The following AGBL1 variants were observed in gnomAD, a reference collection of about 807,000 sequenced individuals.
AGBL1 encodes cytosolic carboxypeptidase 4.
In AGBL1, 130 loss-of-function variants were observed where a neutral mutation model predicts 118.9. The ratio of observed to expected loss-of-function variants is 1.09; its 90% confidence interval spans 0.95 to 1.26. The LOEUF (loss-of-function observed/expected upper bound fraction) is 1.26, where lower values mean the gene tolerates loss of function less well. AGBL1 is among the 50% of genes most tolerant of loss of function. AGBL1 has a pLI of 0.00. For synonymous variants in AGBL1, 555 were observed against 478.9 expected (o/e 1.16, Z -2.08); for missense variants, 1,584 against 1,298.1 (o/e 1.22, Z -3.38).
intron 22 of AGBL1, among the ~76,000 whole-genome samples, chr15:86,682,713 T>C (rs1421227163): frequency 1.3e-5 from 2 of 152,072 alleles, no homozygotes; most frequent in Non-Finnish European, 2.9e-5. Flanking sequence ...AAAAAGAACA[T>C]TATTGATTAA....
chr15:86,792,534 T>A, intron 22 of AGBL1, among the ~76,000 whole-genome samples: 1 of 152,184 alleles, frequency 6.6e-6, no homozygotes, highest in South Asian at 2.1e-4. Context: ...TGGGTTCATA[T>A]TATGAAGAAA....
intron 17 of AGBL1, among the ~76,000 whole-genome samples, chr15:86,333,234 G>C (rs1462092335): frequency 6.6e-6 from 1 of 152,244 alleles, no homozygotes; most frequent in East Asian, 1.9e-4. Context: ...ACAAAGAATT[G>C]ATGAAGCCCA....
chr15:86,309,283 A>T (rs929757264), intron 17 of AGBL1, among the ~76,000 whole-genome samples: 2 of 152,228 alleles, frequency 1.3e-5, no homozygotes, highest in African/African-American at 4.8e-5. Context: ...TACCAAATTT[A>T]TTAGTTGTAG....
At chr15:86,213,842 T>C (rs11073624) in intron 5 of AGBL1, among the ~76,000 whole-genome samples, 93,796 of 151,978 alleles carry the variant, frequency 0.62, 29,207 homozygotes, top group South Asian at 0.78. Context: ...ATTGTAGAAC[T>C]ATTTCCACTA....
chr15:86,781,602 A>G (rs1305902539), intron 22 of AGBL1, among the ~76,000 whole-genome samples: 3 of 152,154 alleles, frequency 2.0e-5, no homozygotes, highest in Non-Finnish European at 2.9e-5. Context: ...GTCACTCTCT[A>G]CATACCTTTC....
chr15:86,866,381 C>T (rs577461704), intron 22 of AGBL1, among the ~76,000 whole-genome samples: 6 of 152,284 alleles, frequency 3.9e-5, no homozygotes, highest in African/African-American at 7.2e-5. Context: ...TTGATCACAC[C>T]CTCAAAGGAG....
At chr15:86,680,270 A>G (rs570436699) in intron 22 of AGBL1, among the ~76,000 whole-genome samples, 2 of 152,056 alleles carry the variant, frequency 1.3e-5, no homozygotes, top group East Asian at 1.9e-4. Flanking sequence ...TTTTTTCTCA[A>G]TGTTGATTCA....
intron 17 of AGBL1, among the ~76,000 whole-genome samples, chr15:86,319,804 C>A (rs576898462): frequency 8.9e-6 from 1 of 112,420 alleles, no homozygotes; most frequent in African/African-American, 3.5e-5. Context: ...GTCACCCAGG[C>A]TGAATGCAAT....
At chr15:86,079,723 C>G, upstream of AGBL1, 1 of 347,864 alleles carries the variant, frequency 2.9e-6, no homozygotes, top group East Asian at 4.2e-5. Flanking sequence ...CTCCCCACCC[C>G]TGCACCCAAA....
At chr15:86,375,360 C>T (rs2081028017) in intron 17 of AGBL1, among the ~76,000 whole-genome samples, 1 of 152,038 alleles carries the variant, frequency 6.6e-6, no homozygotes, top group South Asian at 2.1e-4. Context: ...TATAAAAACA[C>T]CAGATCTTGT....
intron 21 of AGBL1, among the ~76,000 whole-genome samples, chr15:86,555,479 G>C (rs529377633): frequency 6.6e-6 from 1 of 152,152 alleles, no homozygotes; most frequent in Admixed American, 6.5e-5. Context: ...TCATGTAGTC[G>C]AAGATTTTTT....
At position 86,488,321 on chromosome 15, in the gene AGBL1, C is replaced by T. The variant is rs887019176; in HGVS notation, c.2556-34489C>T. On this transcript the variant is annotated intron_variant, in intron 18 of 22. Coordinates refer to ENST00000614907, the MANE Select transcript of AGBL1 (RefSeq NM_001386094.1). Reference sequence around the variant, plus strand: ...ATCCCAACTGAAAAGCATTTCCCTTCCTTCTTACCCCCGAGATTGCTGCCA... The same window carrying T: ...ATCCCAACTGAAAAGCATTTCCCTTTCTTCTTACCCCCGAGATTGCTGCCA... 2.0e-5 allele frequency among the ~76,000 whole-genome samples: 3 copies of T among 151,910 alleles called. No individual in the cohort carries two copies. In the South Asian group the frequency reaches 6.3e-4, roughly 32 times the overall value.
intron 18 of AGBL1, among the ~76,000 whole-genome samples, chr15:86,443,218 C>T (rs2082085197): frequency 6.6e-6 from 1 of 152,188 alleles, no homozygotes; most frequent in African/African-American, 2.4e-5. Flanking sequence ...AGATGGGACT[C>T]ATGGCTGCTG....
intron 22 of AGBL1, among the ~76,000 whole-genome samples, chr15:86,742,499 A>G (rs7175208): frequency 0.2 from 29,911 of 151,932 alleles, 3,384 homozygotes; most frequent in African/African-American, 0.31. Flanking sequence ...CATGGGCTTG[A>G]AGTATCACGA....
chr15:86,543,424 GA>G (rs1477181445), intron 19 of AGBL1, among the ~76,000 whole-genome samples: 2 of 151,822 alleles, frequency 1.3e-5, no homozygotes, highest in African/African-American at 4.8e-5. Flanking sequence ...TTAAAGTCAA[GA>G]AAAAAAGAAA....
intron 5 of AGBL1, among the ~76,000 whole-genome samples, chr15:86,178,688 C>G (rs1333130659): frequency 6.6e-6 from 1 of 152,150 alleles, no homozygotes; most frequent in Admixed American, 6.5e-5. Context: ...TGTACAAACT[C>G]TTGGAGAAAA....
At chr15:86,323,859 T>C (rs2080142999) in intron 17 of AGBL1, among the ~76,000 whole-genome samples, 1 of 152,188 alleles carries the variant, frequency 6.6e-6, no homozygotes, top group South Asian at 2.1e-4. Context: ...ACTACTGACC[T>C]CTCTTCATGG....
At chr15:86,209,579 G>A (rs1016101487) in intron 5 of AGBL1, among the ~76,000 whole-genome samples, 1 of 152,020 alleles carries the variant, frequency 6.6e-6, no homozygotes, top group African/African-American at 2.4e-5. Flanking sequence ...GGCCTTCTTT[G>A]TCTCTTTTGA....
At chr15:86,113,211 CT>C (rs1310418392) in intron 1 of AGBL1, among the ~76,000 whole-genome samples, 4 of 94,362 alleles carry the variant, frequency 4.2e-5, no homozygotes, top group Admixed American at 1.1e-4. Flanking sequence ...TTTTCTTTTT[CT>C]TTTTCTTTTC....
Sources: gnomAD v4.1 joint callset for allele counts (sites outside exome capture counted in the v4.1 genomes callset) on GRCh38, gnomAD v4.1.1 for gene constraint, MANE v1.5 for transcripts, NCBI Gene and HGNC (gene_info 2026-07-23, HGNC 2026-07-21) for gene names.